CCDC192: variants seen among roughly 807,000 people sequenced by gnomAD.
CCDC192 encodes the protein coiled-coil domain-containing protein 192.
chr5:127,855,005 T>TA (rs1034460991), intron 5 of CCDC192, among the ~76,000 whole-genome samples: 11 of 152,202 alleles, frequency 7.2e-5, no homozygotes, highest in Admixed American at 6.5e-5. Flanking sequence ...AATTTGTTGC[T>TA]AAAAAATGTT....
At chr5:127,743,086 G>C (rs1388584733) in intron 2 of CCDC192, among the ~76,000 whole-genome samples, 1 of 152,024 alleles carries the variant, frequency 6.6e-6, no homozygotes, top group Non-Finnish European at 1.5e-5. Context: ...CAGCCCAAGA[G>C]AGACACAGAC....
intron 3 of CCDC192, among the ~76,000 whole-genome samples, chr5:127,767,572 C>T (rs971523035): frequency 6.6e-6 from 1 of 152,040 alleles, no homozygotes; most frequent in Non-Finnish European, 1.5e-5. Flanking sequence ...AATGATTGCC[C>T]TTTATATCCG....
intron 2 of CCDC192, among the ~76,000 whole-genome samples, chr5:127,717,838 C>T (rs1751709158): frequency 7.1e-6 from 1 of 140,958 alleles, no homozygotes; most frequent in Non-Finnish European, 1.5e-5. Context: ...CCAAAAACTT[C>T]AGGCTTGTGG....
chr5:127,847,966 T>A (rs1338664932), intron 5 of CCDC192, among the ~76,000 whole-genome samples: 1 of 152,028 alleles, frequency 6.6e-6, no homozygotes, highest in African/African-American at 2.4e-5. Flanking sequence ...CCAGCTAATT[T>A]TTGTATTTTC....
chr5:127,755,473 G>C (rs1754521993), intron 3 of CCDC192, among the ~76,000 whole-genome samples: 1 of 151,938 alleles, frequency 6.6e-6, no homozygotes, highest in South Asian at 2.1e-4. Context: ...AAATGCGATT[G>C]ATGCAAGCGG....
intron 2 of CCDC192, among the ~76,000 whole-genome samples, chr5:127,726,785 G>C (rs781226707): frequency 2.0e-5 from 3 of 152,206 alleles, no homozygotes; most frequent in Non-Finnish European, 4.4e-5. Context: ...TGAAACCCTG[G>C]GGTAAGGGGA....
intron 6 of CCDC192, among the ~76,000 whole-genome samples, chr5:127,907,844 T>C (rs1753243714): frequency 6.6e-6 from 1 of 152,236 alleles, no homozygotes; most frequent in Admixed American, 6.5e-5. Context: ...TTTGTAAAAT[T>C]AGTTGAATCC....
intron 5 of CCDC192, among the ~76,000 whole-genome samples, chr5:127,853,423 T>A (rs1750895490): frequency 6.6e-6 from 1 of 152,230 alleles, no homozygotes; most frequent in Non-Finnish European, 1.5e-5. Context: ...CACCTTTTTT[T>A]AATTTCACAA....
chr5:127,849,806 G>A (rs1423679354), intron 5 of CCDC192, among the ~76,000 whole-genome samples: 1 of 152,168 alleles, frequency 6.6e-6, no homozygotes, highest in Non-Finnish European at 1.5e-5. Flanking sequence ...TACAGCTCAG[G>A]ATCCAGCCTG....
chr5:127,819,665 T>C (rs1299854026), intron 5 of CCDC192, among the ~76,000 whole-genome samples: 1 of 152,222 alleles, frequency 6.6e-6, no homozygotes, highest in Non-Finnish European at 1.5e-5. Context: ...TCTTTACTTC[T>C]AAAATGAATC....
intron 6 of CCDC192, among the ~76,000 whole-genome samples, chr5:127,877,791 C>A (rs558091020): frequency 2.0e-5 from 3 of 152,150 alleles, no homozygotes; most frequent in African/African-American, 7.2e-5. Context: ...CCCACCCCCC[C>A]ACACACATAT....
chr5:127,725,179 G>A (rs1369463264), intron 2 of CCDC192, among the ~76,000 whole-genome samples: 3 of 152,212 alleles, frequency 2.0e-5, no homozygotes, highest in African/African-American at 4.8e-5. Flanking sequence ...TGCAAAATAT[G>A]GTGTGATACA....
rs114714386 is a variant in CCDC192, at chr5:127,744,269, G to A, written c.115-9999G>A. ...GCTGAGGCATGGGTGGTAGGTTGGG[G>A]AGAAGATGATCAGCTGGGGAAAGAC... On this transcript the variant is annotated intron_variant, in intron 2 of 6. Coordinates refer to ENST00000514853, the MANE Select transcript of CCDC192 (RefSeq NM_001317938.2). Among the ~76,000 whole-genome samples the A allele has an allele frequency of 1.4e-3, 217 of 151,936 alleles. 1 individual carries two copies. The highest frequency in any genetic ancestry group is 4.9e-3 in the African/African-American group (201 of 41,440).
At position 127,729,315 on chromosome 5, in the gene CCDC192, A is replaced by G. The variant is rs531264064; in HGVS notation, c.114+21555A>G. ...TTTAATTCAACAACAAGAGCTAACT[A>G]TCCTAAATATATATGCACCCAATGC... On this transcript the variant is annotated intron_variant, in intron 2 of 6. Transcript: ENST00000514853. 3.9e-5 allele frequency among the ~76,000 whole-genome samples: 6 copies of G among 152,364 alleles called. No homozygotes were observed. In the East Asian group the frequency reaches 9.6e-4, roughly 25 times the overall value.
At chr5:127,855,782 G>C (rs751858274) in intron 5 of CCDC192, among the ~76,000 whole-genome samples, 6 of 152,152 alleles carry the variant, frequency 3.9e-5, no homozygotes, top group Non-Finnish European at 7.4e-5. Context: ...AGAGCTCTTG[G>C]GTGACTAGGT....
intron 6 of CCDC192, among the ~76,000 whole-genome samples, chr5:127,899,206 G>A (rs548123631): frequency 2.4e-4 from 37 of 152,234 alleles, no homozygotes; most frequent in African/African-American, 8.9e-4. Flanking sequence ...TCAATAAAGC[G>A]AAAGAAATGC....
Position 127,744,117 on chromosome 5 carries a change from A to T in CCDC192, c.115-10151A>T, listed in dbSNP as rs1422695199. Among the ~76,000 whole-genome samples, 4 of 151,554 alleles carry T rather than the reference A, an allele frequency of 2.6e-5. No homozygotes were observed. The South Asian group carries it at 6.3e-4, about 24-fold the overall frequency. On this transcript the variant is annotated intron_variant, in intron 2 of 6. Coordinates refer to ENST00000514853, the MANE Select transcript of CCDC192 (RefSeq NM_001317938.2). ...TCAAAAAAAAAAAAAAAAGGAAAAA[A>T]AAAAAGAAACTATTGAAAACGCTAA...
chr5:127,795,312 A>C (rs1757104575), intron 3 of CCDC192, among the ~76,000 whole-genome samples: 1 of 144,474 alleles, frequency 6.9e-6, no homozygotes, highest in Non-Finnish European at 1.5e-5. Context: ...AAAAAAAAAC[A>C]ATTTGGTAAA....
At chr5:127,821,088 T>C (rs1749267868) in intron 5 of CCDC192, among the ~76,000 whole-genome samples, 1 of 152,076 alleles carries the variant, frequency 6.6e-6, no homozygotes, top group South Asian at 2.1e-4. Flanking sequence ...CATAGTAACA[T>C]TGAGTGATGA....
Sources: gnomAD v4.1 joint callset for allele counts (sites outside exome capture counted in the v4.1 genomes callset) on GRCh38, gnomAD v4.1.1 for gene constraint, MANE v1.5 for transcripts, NCBI Gene and HGNC (gene_info 2026-07-23, HGNC 2026-07-21) for gene names.